The following CAMTA1 variants were observed in gnomAD, a reference collection of about 807,000 sequenced individuals.
The protein encoded by CAMTA1 is calmodulin binding transcription activator 1.
Under a neutral mutation model 170.9 loss-of-function variants are expected in CAMTA1, and 27 were observed. The observed-to-expected ratio is 0.16, with a 90% CI of 0.12 to 0.22. The LOEUF is 0.22. Among genes scored for constraint, CAMTA1 ranks in the 10% least tolerant of loss-of-function variants. The pLI is 1.00. For missense variants in CAMTA1, 1,619 were observed against 2,217.2 expected, an observed-to-expected ratio of 0.73 and a Z score of 5.42; for synonymous variants, 833 against 891.5, an observed-to-expected ratio of 0.93 and a Z score of 1.17.
At chr1:6,805,884 T>G (rs1644455794) in intron 1 of CAMTA1, among the ~76,000 whole-genome samples, 1 of 145,374 alleles carries the variant, frequency 6.9e-6, no homozygotes, top group Non-Finnish European at 1.5e-5. Flanking sequence ...TGTTTTTTTG[T>G]TTTTTTTTTT....
chr1:7,469,677 C>T (rs2093292149), intron 6 of CAMTA1, among the ~76,000 whole-genome samples: 1 of 152,208 alleles, frequency 6.6e-6, no homozygotes, highest in South Asian at 2.1e-4. Flanking sequence ...GTCTGCTCCT[C>T]CAGGCCTTTT....
Position 7,355,757 on chromosome 1 carries a change from A to G in CAMTA1, c.438+106131A>G, listed in dbSNP as rs116333718. Among the ~76,000 whole-genome samples the G allele has an allele frequency of 9.4e-3, 1,435 of 152,252 alleles. 23 individuals carry two copies. Among genetic ancestry groups the G allele is most frequent in the African/African-American group, 0.031 (1,305 of 41,550 alleles). ...CTTCCACCCCTCCCCTCTCAGGTCCACACTCTAGCCTCATCTCCCACCAGC... is the reference window on the plus strand; with the variant it reads ...CTTCCACCCCTCCCCTCTCAGGTCCGCACTCTAGCCTCATCTCCCACCAGC... On this transcript the variant is annotated intron_variant, in intron 5 of 22. Coordinates refer to ENST00000303635, the MANE Select transcript of CAMTA1 (RefSeq NM_015215.4).
chr1:6,877,092 T>C (rs1670109279), intron 3 of CAMTA1, among the ~76,000 whole-genome samples: 1 of 152,056 alleles, frequency 6.6e-6, no homozygotes, highest in Non-Finnish European at 1.5e-5. Context: ...TGAGTGAGAG[T>C]TGGGATGGCG....
rs185508335 is a variant in CAMTA1 at position 7,758,882 on chromosome 1, C to G, written c.4989+3214C>G. On this transcript the variant is annotated intron_variant, in intron 22 of 22. Transcript: ENST00000303635. ...TCCGGGAGGCGGAGCTTGCAGTGAG[C>G]CGAGATAGCGCCACTGCAGTCCGGC... Among the ~76,000 whole-genome samples, 112 of 145,616 alleles carry G rather than the reference C, an allele frequency of 7.7e-4. 3 individuals are homozygous for G. The East Asian group carries it at 0.022, about 28-fold the overall frequency.
intron 3 of CAMTA1, among the ~76,000 whole-genome samples, chr1:6,825,832 T>G (rs1647038685): frequency 6.6e-6 from 1 of 152,234 alleles, no homozygotes; most frequent in South Asian, 2.1e-4. Flanking sequence ...CCAGGAGTCT[T>G]ACTGTTAGGA....
At chr1:7,758,794 T>G (rs555694410) in intron 22 of CAMTA1, among the ~76,000 whole-genome samples, 13 of 149,882 alleles carry the variant, frequency 8.7e-5, no homozygotes, top group African/African-American at 2.7e-4. Flanking sequence ...AATTAGCCGG[T>G]TGCGGTGGCG....
intron 3 of CAMTA1, among the ~76,000 whole-genome samples, chr1:6,915,797 C>T (rs188389209): frequency 5.3e-5 from 8 of 152,304 alleles, no homozygotes; most frequent in Admixed American, 1.3e-4. Flanking sequence ...TATATGCTGG[C>T]GAAGCCTGTC....
At chr1:7,142,206 G>A (rs1332182844) in intron 4 of CAMTA1, 2 of 511,134 alleles carry the variant, frequency 3.9e-6, no homozygotes, top group African/African-American at 1.9e-5. Flanking sequence ...TGGCCAAAGA[G>A]GGTGTCCCTG....
Position 7,680,870 on chromosome 1 carries a change from G to GCAACAGCAGCAGCAGCAA in CAMTA1, c.2914+3139_2914+3140insACAGCAGCAGCAGCAACA, listed in dbSNP as rs571435770. On this transcript the variant is annotated intron_variant, in intron 11 of 22. Transcript: ENST00000303635. The surrounding 1 kb of genome is among the most constrained non-coding windows in gnomAD (Gnocchi z 4.4). ...CGCGCGCGCGCGCGCGCCAGCAGCA[G>GCAACAGCAGCAGCAGCAA]CAGCAGCAGCAGCTGCTGCGGCGAA... is the stretch of plus-strand genomic sequence containing the variant. 6.8e-6 allele frequency among the ~76,000 whole-genome samples: 1 copy of GCAACAGCAGCAGCAGCAA among 147,802 alleles called. No homozygotes were observed. The highest frequency in any genetic ancestry group is 1.5e-5 in the Non-Finnish European group (1 of 66,330).
chr1:7,410,023 G>A (rs1015726683), intron 5 of CAMTA1, among the ~76,000 whole-genome samples: 2 of 152,190 alleles, frequency 1.3e-5, no homozygotes, highest in African/African-American at 2.4e-5. Flanking sequence ...AGACAGCTTC[G>A]AAGGGAATGG....
At chr1:7,002,617 G>A (rs543220349) in intron 3 of CAMTA1, among the ~76,000 whole-genome samples, 4 of 152,338 alleles carry the variant, frequency 2.6e-5, no homozygotes, top group African/African-American at 4.8e-5. Context: ...GCACATACTT[G>A]TGGGGTGACT....
At chr1:7,121,231 G>A (rs1267325766) in intron 4 of CAMTA1, among the ~76,000 whole-genome samples, 3 of 152,262 alleles carry the variant, frequency 2.0e-5, no homozygotes, top group African/African-American at 4.8e-5. Flanking sequence ...TAAATGGAAA[G>A]GAACATGAGC....
intron 4 of CAMTA1, among the ~76,000 whole-genome samples, chr1:7,244,763 G>A: frequency 6.6e-6 from 1 of 151,962 alleles, no homozygotes; most frequent in East Asian, 1.9e-4. Flanking sequence ...AGGCGGGGAG[G>A]GATAGCATTA....
rs115036089 is a variant in CAMTA1, at chr1:6,802,586, G to C, written c.45+17011G>C. Among the ~76,000 whole-genome samples, 582 of 152,346 alleles carry C rather than the reference G, an allele frequency of 3.8e-3. 5 individuals carry two copies. The highest frequency in any genetic ancestry group is 0.013 in the African/African-American group (542 of 41,570). On this transcript the variant is annotated intron_variant, in intron 1 of 22. Coordinates refer to ENST00000303635, the MANE Select transcript of CAMTA1 (RefSeq NM_015215.4). Reference sequence around the variant, plus strand: ...ATTGACTCCTAAAGGAGTGTCTTATGTTCAGATGCTATAGAGTTTTGCAGA... The same window carrying C: ...ATTGACTCCTAAAGGAGTGTCTTATCTTCAGATGCTATAGAGTTTTGCAGA...
chr1:7,352,815 T>A (rs1047486666), intron 5 of CAMTA1, among the ~76,000 whole-genome samples: 1 of 152,332 alleles, frequency 6.6e-6, no homozygotes, highest in Admixed American at 6.5e-5. Context: ...GCTGGACCCA[T>A]GACTCTTGGC....
intron 3 of CAMTA1, among the ~76,000 whole-genome samples, chr1:6,954,175 T>A (rs1013964075): frequency 6.6e-5 from 10 of 152,202 alleles, no homozygotes; most frequent in African/African-American, 2.4e-4. Flanking sequence ...TGGTCCCACA[T>A]CATGGCTTTC....
At chr1:6,982,778 T>C (rs957865199) in intron 3 of CAMTA1, among the ~76,000 whole-genome samples, 4 of 151,532 alleles carry the variant, frequency 2.6e-5, no homozygotes, top group African/African-American at 9.7e-5. Context: ...CCTCTGTGCG[T>C]AGTGGCTCTG....
At chr1:6,912,146 C>T (rs1209826682) in intron 3 of CAMTA1, among the ~76,000 whole-genome samples, 1 of 152,152 alleles carries the variant, frequency 6.6e-6, no homozygotes, top group Non-Finnish European at 1.5e-5. Context: ...GACAGACTTG[C>T]TTTACTTTTG....
At chr1:6,883,326 G>A (rs1672153763) in intron 3 of CAMTA1, among the ~76,000 whole-genome samples, 1 of 152,092 alleles carries the variant, frequency 6.6e-6, no homozygotes, top group African/African-American at 2.4e-5. Flanking sequence ...AGCTGTATGA[G>A]TGAAATGGTG....
Sources: allele counts gnomAD v4.1 joint callset (sites outside exome capture counted in the v4.1 genomes callset), GRCh38; gene constraint gnomAD v4.1.1; non-coding constraint Gnocchi (gnomAD v3.1); transcripts MANE v1.5; gene names NCBI Gene and HGNC (gene_info 2026-07-23, HGNC 2026-07-21).